Variants in EDA observed in about 807,000 individuals in gnomAD.
EDA encodes the protein ectodysplasin A.
Under a neutral mutation model 23.6 loss-of-function variants are expected in EDA, and 2 were observed. The ratio of observed to expected loss-of-function variants is 0.08; its 90% CI spans 0.03 to 0.27. The LOEUF (loss-of-function observed/expected upper bound fraction) is 0.27, where lower values mean the gene tolerates loss of function less well. Ranked by LOEUF, EDA falls within the 10% of genes least tolerant of loss-of-function variation. The probability of loss-of-function intolerance (pLI) is 1.00; values close to 1 mark genes in which losing one functional copy is unlikely to be tolerated. For missense variants in EDA, 229 were observed against 324.2 expected (o/e 0.71, Z 2.26); for synonymous variants, 131 against 132.0 (o/e 0.99, Z 0.05).
Position 70,038,062 on chromosome X carries a change from A to G in EDA, c.*2453A>G, listed in dbSNP as rs1415212458. On this transcript the variant is annotated 3_prime_UTR_variant, in exon 8 of 8. Transcript: ENST00000374552. Reference sequence around the variant, plus strand: ...GTGTGACTCCTTATCTCTTTCCACCATACCTTAGAGACTTTGATACTACCA... The same window carrying G: ...GTGTGACTCCTTATCTCTTTCCACCGTACCTTAGAGACTTTGATACTACCA... 1 of 111,338 alleles carries G rather than the reference A, an allele frequency of 9.0e-6. No individual in the cohort carries two copies. Among genetic ancestry groups the G allele is most frequent in the East Asian group, 2.8e-4 (1 of 3,522 alleles). The allele number at this position is 111,338 out of a possible 1,213,427, so 9.2% of individuals were successfully genotyped here.
At chrX:69,715,735 C>G (rs963847804) in intron 1 of EDA, among the ~76,000 whole-genome samples, 2 of 112,071 alleles carry the variant, frequency 1.8e-5, no homozygotes. Flanking sequence ...TGCAACCTCT[C>G]CAGCATCTGT....
intron 1 of EDA, among the ~76,000 whole-genome samples, chrX:69,827,494 G>C (rs1241511286): frequency 9.0e-6 from 1 of 111,187 alleles, no homozygotes; most frequent in Non-Finnish European, 1.9e-5. Context: ...GATCACATCA[G>C]CTCCTGAGGC....
intron 1 of EDA, among the ~76,000 whole-genome samples, chrX:69,805,808 A>G (rs1406352182): frequency 8.9e-6 from 1 of 111,760 alleles, no homozygotes; most frequent in Non-Finnish European, 1.9e-5. Context: ...CCAAAACTTG[A>G]ACAAATGACA....
intron 1 of EDA, among the ~76,000 whole-genome samples, chrX:69,696,352 A>G (rs2011346040): frequency 8.9e-6 from 1 of 112,060 alleles, no homozygotes; most frequent in Non-Finnish European, 1.9e-5. Context: ...CAATTTTTAG[A>G]AAAACTTGTG....
intron 1 of EDA, among the ~76,000 whole-genome samples, chrX:69,770,676 G>A (rs1312842509): frequency 9.0e-6 from 1 of 111,151 alleles, no homozygotes; most frequent in Non-Finnish European, 1.9e-5. Context: ...TGTGTAGCTT[G>A]TCTTTTCATC....
intron 1 of EDA, among the ~76,000 whole-genome samples, chrX:69,823,543 TGTTTG>T: frequency 1.4e-5 from 1 of 70,550 alleles, no homozygotes; most frequent in Non-Finnish European, 2.5e-5. Context: ...TTGATGGGGT[TGTTTG>T]TTTTTTTCTT....
intron 1 of EDA, among the ~76,000 whole-genome samples, chrX:69,637,187 G>A (rs1412135834): frequency 9.0e-6 from 1 of 111,607 alleles, no homozygotes; most frequent in African/African-American, 3.3e-5. Flanking sequence ...GTAGTCCACA[G>A]GTATACTTCA....
intron 1 of EDA, among the ~76,000 whole-genome samples, chrX:69,852,449 A>G (rs907733419): frequency 5.4e-5 from 6 of 112,036 alleles, no homozygotes; most frequent in Non-Finnish European, 7.5e-5. Context: ...ATTAAATAAC[A>G]TCTCTAAAAG....
At chrX:69,660,313 C>G (rs1235505850) in intron 1 of EDA, among the ~76,000 whole-genome samples, 1 of 110,140 alleles carries the variant, frequency 9.1e-6, no homozygotes, top group Non-Finnish European at 1.9e-5. Flanking sequence ...GGTCATTAAT[C>G]CCTAGTATTT....
intron 1 of EDA, among the ~76,000 whole-genome samples, chrX:69,849,430 A>T (rs1471518168): frequency 1.8e-5 from 2 of 112,070 alleles, no homozygotes; most frequent in East Asian, 5.6e-4. Context: ...GAAACATACC[A>T]TGTTGATTCC....
intron 1 of EDA, among the ~76,000 whole-genome samples, chrX:69,726,229 A>G (rs1188603720): frequency 8.9e-6 from 1 of 112,244 alleles, no homozygotes; most frequent in East Asian, 2.8e-4. Context: ...AGTGGCAGAT[A>G]CAATGCTTAG....
intron 1 of EDA, among the ~76,000 whole-genome samples, chrX:69,719,583 T>C (rs1004970872): frequency 9.0e-6 from 1 of 111,169 alleles, no homozygotes; most frequent in African/African-American, 3.3e-5. Context: ...CTTCCACTTA[T>C]AAGTGAGAAC....
chrX:69,718,019 C>T (rs992284148), intron 1 of EDA, among the ~76,000 whole-genome samples: 1 of 111,835 alleles, frequency 8.9e-6, no homozygotes, highest in Non-Finnish European at 1.9e-5. Flanking sequence ...CCTGCTTCCC[C>T]TTCACCTTCT....
At chrX:70,029,585 G>T in intron 5 of EDA, 47 bp downstream of exon 5, 1 of 1,159,389 alleles carries the variant, frequency 8.6e-7, no homozygotes, top group Non-Finnish European at 1.2e-6. Context: ...AAAGCCACAG[G>T]CTAGAGCCAC....
intron 1 of EDA, among the ~76,000 whole-genome samples, chrX:69,823,166 T>C (rs1362579837): frequency 1.7e-4 from 13 of 75,855 alleles, no homozygotes; most frequent in Admixed American, 1.6e-3. Context: ...TACGTGTGCA[T>C]GTGTCTTTAT....
intron 1 of EDA, among the ~76,000 whole-genome samples, chrX:69,792,579 C>A (rs1190735671): frequency 2.7e-5 from 3 of 112,184 alleles, no homozygotes; most frequent in Non-Finnish European, 5.6e-5. Context: ...AATTTACATT[C>A]CCACTAGCAG....
At chrX:69,794,213 G>C (rs1265874595) in intron 1 of EDA, among the ~76,000 whole-genome samples, 3 of 110,277 alleles carry the variant, frequency 2.7e-5, no homozygotes, top group Non-Finnish European at 3.8e-5. Context: ...CAAGAAGAGT[G>C]GTTGAAAGAA....
intron 1 of EDA, among the ~76,000 whole-genome samples, chrX:69,930,459 C>A (rs2018583138): frequency 9.1e-6 from 1 of 109,702 alleles, no homozygotes; most frequent in Admixed American, 9.8e-5. Context: ...TTAACAAAAT[C>A]CAATACCAAT....
chrX:69,718,792 A>G (rs1213714331), intron 1 of EDA, among the ~76,000 whole-genome samples: 1 of 111,416 alleles, frequency 9.0e-6, no homozygotes, highest in South Asian at 3.8e-4. Flanking sequence ...TGGTTTTGGT[A>G]TGAAGATAAC....
Sources: allele counts gnomAD v4.1 joint callset (sites outside exome capture counted in the v4.1 genomes callset), GRCh38; gene constraint gnomAD v4.1.1; transcripts MANE v1.5; gene names NCBI Gene and HGNC (gene_info 2026-07-23, HGNC 2026-07-21).